Variants in AGPAT4 observed in about 807,000 individuals in gnomAD.
The protein encoded by AGPAT4 is 1-acylglycerol-3-phosphate O-acyltransferase 4, also known as 1-acyl-sn-glycerol-3-phosphate acyltransferase delta.
In AGPAT4, 15 loss-of-function variants were observed where a neutral mutation model predicts 48.0. The observed-to-expected ratio is 0.31, with a 90% CI of 0.21 to 0.48. The LOEUF (loss-of-function observed/expected upper bound fraction) is 0.48. Ranked by LOEUF, AGPAT4 falls within the 20% of genes least tolerant of loss-of-function variation. AGPAT4 has a pLI of 0.99. For synonymous variants in AGPAT4, 178 were observed against 198.7 expected, an observed-to-expected ratio of 0.90 and a Z score of 0.88; for missense variants, 314 against 482.5, an observed-to-expected ratio of 0.65 and a Z score of 3.27.
Position 161,245,566 on chromosome 6 carries a change from T to C in AGPAT4, c.-89-13264A>G, listed in dbSNP as rs1241198484. 6.6e-6 allele frequency among the ~76,000 whole-genome samples: 1 copy of C among 152,110 alleles called. No individual in the cohort carries two copies. Among genetic ancestry groups the C allele is most frequent in the East Asian group, 1.9e-4 (1 of 5,194 alleles). ...AGGAGCTTACTTTTTGTGGGGTGGT[T>C]CAGCGAGGGGCTGCTCAGGGGAGCA... On this transcript the variant is annotated intron_variant, in intron 1 of 8. Coordinates refer to ENST00000320285, the MANE Select transcript of AGPAT4 (RefSeq NM_020133.3). The surrounding 1 kb of genome is among the most constrained non-coding windows in gnomAD (Gnocchi z 5.2).
At chr6:161,228,018 C>G (rs1782028447) in intron 2 of AGPAT4, among the ~76,000 whole-genome samples, 2 of 152,158 alleles carry the variant, frequency 1.3e-5, no homozygotes, top group Admixed American at 6.5e-5. Flanking sequence ...GTTACCTGTC[C>G]AAGTGATGAA....
At chr6:161,183,992 C>T (rs1011841429) in intron 2 of AGPAT4, among the ~76,000 whole-genome samples, 1 of 151,986 alleles carries the variant, frequency 6.6e-6, no homozygotes, top group Non-Finnish European at 1.5e-5. Context: ...CTTGGTGAGA[C>T]AGGAAGTCAC....
rs1157776826 is a variant in AGPAT4, at chr6:161,177,909, G to C, written c.179-11492C>G. On this transcript the variant is annotated intron_variant, in intron 2 of 8. Transcript: ENST00000320285. The surrounding 1 kb of genome is among the most constrained non-coding windows in gnomAD (Gnocchi z 5.0). ...GCTGCAGGTCTGTTGGAGTTTGCTG[G>C]AAGTCCACTCCAGTCCTGTTTATCT... 6.6e-6 allele frequency among the ~76,000 whole-genome samples: 1 copy of C among 152,146 alleles called. No individual in the cohort carries two copies. The highest frequency in any genetic ancestry group is 1.5e-5 in the Non-Finnish European group (1 of 68,036).
At position 161,130,069 on chromosome 6, in the gene AGPAT4, G is replaced by GCCCA. The variant is rs1778852609; in HGVS notation, c.*6467_*6470dup. 6.6e-6 allele frequency: 1 copy of GCCCA among 152,154 alleles called. No individual in the cohort carries two copies. The highest frequency in any genetic ancestry group is 2.4e-5 in the African/African-American group (1 of 41,426). The allele number at this position is 152,154 out of a possible 1,614,324, so 9.4% of individuals were successfully genotyped here. A position where few individuals can be genotyped will look rare whatever the true frequency, so the allele number is the denominator to read the frequency against. ...ACTTTATTAGTTTTATCTTTGTTCA[G>GCCCA]CCCACCAACAAAAATTTGGAAAGAT... On this transcript the variant is annotated 3_prime_UTR_variant, in exon 9 of 9. Transcript: ENST00000320285.
chr6:161,224,720 C>G (rs1781926312), intron 2 of AGPAT4, among the ~76,000 whole-genome samples: 1 of 151,722 alleles, frequency 6.6e-6, no homozygotes, highest in Admixed American at 6.6e-5. Flanking sequence ...TTGCTTCCCA[C>G]TATTTCCCAA....
chr6:161,186,998 T>C (rs115821746), intron 2 of AGPAT4, among the ~76,000 whole-genome samples: 73 of 152,318 alleles, frequency 4.8e-4, no homozygotes, highest in African/African-American at 1.8e-3. Flanking sequence ...AGCCTCAGAC[T>C]CTGAAGTCAG....
chr6:161,202,894 G>A lies in AGPAT4; in HGVS notation c.178+29142C>T, dbSNP rs573624034. Among the ~76,000 whole-genome samples the A allele has an allele frequency of 6.6e-6, 1 of 152,192 alleles. No homozygotes were observed. Among genetic ancestry groups the A allele is most frequent in the African/African-American group, 2.4e-5 (1 of 41,434 alleles). On this transcript the variant is annotated intron_variant, in intron 2 of 8. Coordinates refer to ENST00000320285, the MANE Select transcript of AGPAT4 (RefSeq NM_020133.3). This position sits in a 1 kb window ranked among gnomAD's most constrained non-coding sequence, Gnocchi z 5.4. ...GGGGAAGCCTGGGCTATATGGATAG[G>A]TTACTCCAGTTGACAGCCCCAGTTG... is the stretch of plus-strand genomic sequence containing the variant.
rs1051761375 is a variant in AGPAT4, at chr6:161,220,301, C to A, written c.178+11735G>T. Among the ~76,000 whole-genome samples the A allele has an allele frequency of 1.2e-4, 18 of 152,264 alleles. No individual in the cohort carries two copies. The highest frequency in any genetic ancestry group is 2.1e-4 in the Non-Finnish European group (14 of 68,024). ...CATGAAGGGTTCATTTTGGAATAAG[C>A]ATCATATGGAAAAGTTTAGCCAAGT... On this transcript the variant is annotated intron_variant, in intron 2 of 8. Transcript: ENST00000320285. This position sits in a 1 kb window ranked among gnomAD's most constrained non-coding sequence, Gnocchi z 6.0.
Position 161,139,422 on chromosome 6 carries a change from C to A in AGPAT4, c.1042G>T (p.Ala348Ser). ...CACCAGCCCCTTGCCCTCCACTCACCCACAAAGAAGACGAGGATGAAGCTG... is the reference window on the plus strand; with the variant it reads ...CACCAGCCCCTTGCCCTCCACTCACACACAAAGAAGACGAGGATGAAGCTG... ...LASFILVFFV[A>S]SVGVRWMIGV... is the part of the protein sequence containing the mutation. Residue 348 changes from alanine to serine, a missense_variant and splice_region_variant, in exon 8 of 9, where the codon GCC (alanine) becomes TCC (serine). Ala to Ser is a moderately conservative substitution (Grantham distance 99, BLOSUM62 1). Transcript: ENST00000320285. This position sits in a 1 kb window ranked among gnomAD's most constrained non-coding sequence, Gnocchi z 9.1. 6.2e-7 allele frequency: 1 copy of A among 1,613,922 alleles called. No homozygotes were observed. Among genetic ancestry groups the A allele is most frequent in the Non-Finnish European group, 8.5e-7 (1 of 1,179,874 alleles).
chr6:161,165,494 T>A lies in AGPAT4; in HGVS notation c.348+754A>T. The A allele has an allele frequency of 1.1e-6, 1 of 928,482 alleles. No homozygotes were observed. The highest frequency in any genetic ancestry group is 1.4e-6 in the Non-Finnish European group (1 of 713,136). 57.5% of individuals were successfully genotyped at this position (928,482 alleles called of 1,614,324 possible). A position where few individuals can be genotyped will look rare whatever the true frequency, so the allele number is the denominator to read the frequency against. The stretch of plus-strand genomic sequence containing the variant: ...TTGTTCCCAGGTGCAAAACCTGATC[T>A]CTAAGTTCTGGTGCAAACTCTTAGG... On this transcript the variant is annotated intron_variant, in intron 3 of 8. Transcript: ENST00000320285. This position sits in a 1 kb window ranked among gnomAD's most constrained non-coding sequence, Gnocchi z 5.5.
At chr6:161,230,721 G>A (rs958718038) in intron 2 of AGPAT4, among the ~76,000 whole-genome samples, 2 of 152,184 alleles carry the variant, frequency 1.3e-5, no homozygotes, top group Admixed American at 6.5e-5. Flanking sequence ...TGAATTGGTG[G>A]TTGTACCCAA....
chr6:161,146,947 C>T lies in AGPAT4; in HGVS notation c.768-348G>A, dbSNP rs2114959212. 6.6e-6 allele frequency among the ~76,000 whole-genome samples: 1 copy of T among 152,314 alleles called. No homozygotes were observed. Among genetic ancestry groups the T allele is most frequent in the South Asian group, 2.1e-4 (1 of 4,828 alleles). The stretch of plus-strand genomic sequence containing the variant: ...TCTTCCAAAGAGGACAACACTGCCT[C>T]AGTTTCCACACGAGACAATCCAATA... On this transcript the variant is annotated intron_variant, in intron 6 of 8. Transcript: ENST00000320285. This position sits in a 1 kb window ranked among gnomAD's most constrained non-coding sequence, Gnocchi z 7.1.
intron 2 of AGPAT4, among the ~76,000 whole-genome samples, chr6:161,211,212 A>G (rs897945323): frequency 6.6e-6 from 1 of 152,228 alleles, no homozygotes; most frequent in Non-Finnish European, 1.5e-5. Context: ...TAGGATAAAT[A>G]CTTGTAGACA....
Position 161,159,320 on chromosome 6 carries a change from A to T in AGPAT4, c.349-5010T>A, listed in dbSNP as rs563526665. 2.4e-4 allele frequency among the ~76,000 whole-genome samples: 37 copies of T among 152,280 alleles called. 1 individual carries two copies. The South Asian group carries it at 7.5e-3, about 31-fold the overall frequency. Reference sequence around the variant, plus strand: ...AAAGGTATTGATTAAGAAGCCCCCTATGCCAGGCATTATGCAGGTGCCGAG... The same window carrying T: ...AAAGGTATTGATTAAGAAGCCCCCTTTGCCAGGCATTATGCAGGTGCCGAG... On this transcript the variant is annotated intron_variant, in intron 3 of 8. Transcript: ENST00000320285. This position sits in a 1 kb window ranked among gnomAD's most constrained non-coding sequence, Gnocchi z 4.1.
intron 2 of AGPAT4, among the ~76,000 whole-genome samples, chr6:161,199,895 T>C (rs1277139435): frequency 6.6e-6 from 1 of 152,182 alleles, no homozygotes. Flanking sequence ...TAGCTCTTCA[T>C]AGCAGTGTGA....
At position 161,221,087 on chromosome 6, in the gene AGPAT4, A is replaced by T. The variant is rs952111012; in HGVS notation, c.178+10949T>A. Among the ~76,000 whole-genome samples the T allele has an allele frequency of 2.0e-5, 3 of 152,042 alleles. No individual in the cohort carries two copies. Among genetic ancestry groups the T allele is most frequent in the African/African-American group, 7.2e-5 (3 of 41,422 alleles). On this transcript the variant is annotated intron_variant, in intron 2 of 8. Coordinates refer to ENST00000320285, the MANE Select transcript of AGPAT4 (RefSeq NM_020133.3). This position sits in a 1 kb window ranked among gnomAD's most constrained non-coding sequence, Gnocchi z 4.5. ...CATGAGCCACCGCACCCGGCCCCAG[A>T]CAGCATATTTAAACAGATGACACAA...
rs1175359492 is a variant in AGPAT4, at chr6:161,230,629, A to G, written c.178+1407T>C. On this transcript the variant is annotated intron_variant, in intron 2 of 8. Coordinates refer to ENST00000320285, the MANE Select transcript of AGPAT4 (RefSeq NM_020133.3). Reference sequence around the variant, plus strand: ...TTGGACAAGTTTTTCCTTTTTCTATACCACCGTAGAAGGGTACATACTTGG... The same window carrying G: ...TTGGACAAGTTTTTCCTTTTTCTATGCCACCGTAGAAGGGTACATACTTGG... Among the ~76,000 whole-genome samples the G allele has an allele frequency of 2.0e-5, 3 of 152,144 alleles. No individual in the cohort carries two copies. The East Asian group carries it at 5.8e-4, about 29-fold the overall frequency.
intron 2 of AGPAT4, among the ~76,000 whole-genome samples, chr6:161,170,290 T>G (rs1314406904): frequency 6.6e-6 from 1 of 152,096 alleles, no homozygotes; most frequent in Non-Finnish European, 1.5e-5. Flanking sequence ...GCCAATGAGA[T>G]GATGTCTACA....
intron 2 of AGPAT4, among the ~76,000 whole-genome samples, chr6:161,175,477 G>A (rs536056479): frequency 1.8e-4 from 27 of 152,240 alleles, no homozygotes; most frequent in East Asian, 1.2e-3. Flanking sequence ...TTGTATTTCC[G>A]TGGGATCAGT....
Sources: allele counts gnomAD v4.1 joint callset (sites outside exome capture counted in the v4.1 genomes callset), GRCh38; gene constraint gnomAD v4.1.1; non-coding constraint Gnocchi (gnomAD v3.1); transcripts MANE v1.5; gene names NCBI Gene and HGNC (gene_info 2026-07-23, HGNC 2026-07-21).